The following SEMA3E variants were observed in gnomAD, a reference collection of about 807,000 sequenced individuals.
SEMA3E encodes semaphorin-3E.
In SEMA3E, 49 loss-of-function variants were observed where a neutral mutation model predicts 93.6. The observed-to-expected ratio is 0.52, with a 90% CI of 0.42 to 0.66. The LOEUF (loss-of-function observed/expected upper bound fraction) is 0.66. Among genes scored for constraint, SEMA3E ranks in the 30% least tolerant of loss-of-function variants. The pLI is 0.00. For missense variants in SEMA3E, 906 were observed against 964.8 expected (o/e 0.94, Z 0.81); for synonymous variants, 363 against 330.7 (o/e 1.10, Z -1.06).
At chr7:83,540,839 A>C (rs1417458121) in intron 1 of SEMA3E, among the ~76,000 whole-genome samples, 2 of 152,250 alleles carry the variant, frequency 1.3e-5, no homozygotes, top group African/African-American at 4.8e-5. Flanking sequence ...TAATGAGGTT[A>C]TGAAATTAGT....
intron 1 of SEMA3E, among the ~76,000 whole-genome samples, chr7:83,631,284 A>G (rs1224309043): frequency 2.0e-5 from 3 of 152,146 alleles, no homozygotes; most frequent in African/African-American, 7.2e-5. Context: ...TAATTTTATA[A>G]TATTTATAAA....
intron 1 of SEMA3E, among the ~76,000 whole-genome samples, chr7:83,505,946 C>T (rs1049149934): frequency 1.4e-5 from 2 of 144,898 alleles, no homozygotes; most frequent in East Asian, 2.1e-4. Flanking sequence ...ACCTGGGAAG[C>T]GGAGCTTGCA....
intron 1 of SEMA3E, among the ~76,000 whole-genome samples, chr7:83,545,976 T>C (rs904448264): frequency 6.8e-6 from 1 of 147,096 alleles, no homozygotes; most frequent in East Asian, 1.9e-4. Flanking sequence ...GGAGCCATAA[T>C]TGAATAAGCT....
chr7:83,586,225 A>G (rs1053471622), intron 1 of SEMA3E, among the ~76,000 whole-genome samples: 1 of 152,190 alleles, frequency 6.6e-6, no homozygotes, highest in Admixed American at 6.6e-5. Context: ...CAAATTGTAT[A>G]TATTACAGAA....
intron 15 of SEMA3E, among the ~76,000 whole-genome samples, chr7:83,385,844 A>T (rs1787869024): frequency 6.6e-6 from 1 of 152,140 alleles, no homozygotes; most frequent in Non-Finnish European, 1.5e-5. Flanking sequence ...ACATAAACAC[A>T]AATGTGGATT....
intron 16 of SEMA3E, among the ~76,000 whole-genome samples, chr7:83,383,741 G>C (rs1787826845): frequency 6.6e-6 from 1 of 151,864 alleles, no homozygotes; most frequent in Admixed American, 6.6e-5. Context: ...CAAATGATTT[G>C]GTAAAGATTT....
chr7:83,543,367 T>TTTTTA (rs1003939794), intron 1 of SEMA3E, among the ~76,000 whole-genome samples: 25 of 152,080 alleles, frequency 1.6e-4, no homozygotes, highest in African/African-American at 5.8e-4. Flanking sequence ...ACTTTTTTTT[T>TTTTTA]ATTAAACAAG....
rs370460231 is a variant in SEMA3E at position 83,405,396 on chromosome 7, C to T, written c.998+54G>A. On this transcript the variant is annotated intron_variant, in intron 9 of 16. Coordinates refer to ENST00000643230, the MANE Select transcript of SEMA3E (RefSeq NM_012431.3). ...TTATATACACCATGAAGGGAGAGTC[C>T]GGTGAGGCATCTCTTGTTCTATATT... is the stretch of plus-strand genomic sequence containing the variant. 37 of 1,277,728 alleles carry T rather than the reference C, an allele frequency of 2.9e-5. No homozygotes were observed. In the East Asian group the frequency reaches 5.1e-4, roughly 18 times the overall value. 79.1% of individuals were successfully genotyped at this position (1,277,728 alleles called of 1,614,324 possible).
chr7:83,381,203 C>T (rs370443466), intron 16 of SEMA3E, among the ~76,000 whole-genome samples: 1 of 151,946 alleles, frequency 6.6e-6, no homozygotes, highest in Non-Finnish European at 1.5e-5. Flanking sequence ...AACACCAAAA[C>T]CCTATGAAAT....
intron 1 of SEMA3E, among the ~76,000 whole-genome samples, chr7:83,553,514 C>T (rs1791819029): frequency 6.6e-6 from 1 of 152,146 alleles, no homozygotes; most frequent in African/African-American, 2.4e-5. Flanking sequence ...TTCCTCAGGG[C>T]TAGTACCATG....
intron 4 of SEMA3E, among the ~76,000 whole-genome samples, chr7:83,450,698 A>T (rs1033536426): frequency 2.0e-5 from 3 of 150,186 alleles, no homozygotes; most frequent in African/African-American, 7.3e-5. Flanking sequence ...AAAAAAAATC[A>T]TAGGTTATCT....
At chr7:83,458,539 T>C (rs1225483105) in intron 4 of SEMA3E, among the ~76,000 whole-genome samples, 1 of 152,006 alleles carries the variant, frequency 6.6e-6, no homozygotes, top group Admixed American at 6.5e-5. Context: ...TCAACATCCC[T>C]GTCCAACATC....
intron 1 of SEMA3E, among the ~76,000 whole-genome samples, chr7:83,544,945 A>C (rs1311321782): frequency 1.3e-5 from 2 of 152,110 alleles, no homozygotes; most frequent in Admixed American, 1.3e-4. Flanking sequence ...ATTTTTCCCA[A>C]TTCACAGGGA....
chr7:83,555,568 G>C (rs1424878510), intron 1 of SEMA3E, among the ~76,000 whole-genome samples: 1 of 152,056 alleles, frequency 6.6e-6, no homozygotes, highest in Non-Finnish European at 1.5e-5. Context: ...TCTACAATGA[G>C]GCTTAAAGAA....
intron 4 of SEMA3E, among the ~76,000 whole-genome samples, chr7:83,427,363 T>G (rs1788794087): frequency 6.6e-6 from 1 of 152,166 alleles, no homozygotes; most frequent in Admixed American, 6.5e-5. Context: ...GAGCTGAGGC[T>G]TTCTTTCCCT....
chr7:83,531,609 T>G (rs1791303794), intron 1 of SEMA3E, among the ~76,000 whole-genome samples: 1 of 152,130 alleles, frequency 6.6e-6, no homozygotes, highest in Non-Finnish European at 1.5e-5. Context: ...CACTTTGGCC[T>G]CCCAAAGTGC....
At chr7:83,556,766 T>G (rs961081333) in intron 1 of SEMA3E, among the ~76,000 whole-genome samples, 1 of 152,100 alleles carries the variant, frequency 6.6e-6, no homozygotes, top group African/African-American at 2.4e-5. Flanking sequence ...AGTGAAACAG[T>G]ATTAAGAGGT....
At chr7:83,422,218 A>G (rs548678757) in intron 4 of SEMA3E, among the ~76,000 whole-genome samples, 1 of 152,212 alleles carries the variant, frequency 6.6e-6, no homozygotes, top group South Asian at 2.1e-4. Context: ...AACATAGCCT[A>G]TAGAACAAAT....
At chr7:83,578,311 C>T (rs1055949237) in intron 1 of SEMA3E, among the ~76,000 whole-genome samples, 5 of 152,110 alleles carry the variant, frequency 3.3e-5, no homozygotes, top group African/African-American at 1.2e-4. Flanking sequence ...CCTCCCAGCA[C>T]TTTGGGAGGC....
Sources: gnomAD v4.1 joint callset for allele counts (sites outside exome capture counted in the v4.1 genomes callset) on GRCh38, gnomAD v4.1.1 for gene constraint, MANE v1.5 for transcripts, NCBI Gene and HGNC (gene_info 2026-07-23, HGNC 2026-07-21) for gene names.